The following NRG3 variants were observed in gnomAD, a reference collection of about 807,000 sequenced individuals.
The protein encoded by NRG3 is neuregulin 3.
In NRG3, 31 loss-of-function variants were observed where a neutral mutation model predicts 66.9. The observed-to-expected ratio is 0.46, with a 90% CI of 0.35 to 0.63. The LOEUF (loss-of-function observed/expected upper bound fraction) is 0.63. Ranked by LOEUF, NRG3 falls within the 20% of genes least tolerant of loss-of-function variation. The pLI is 0.00. For synonymous variants in NRG3, 393 were observed against 359.4 expected, an observed-to-expected ratio of 1.09 and a Z score of -1.06; for missense variants, 910 against 878.9, an observed-to-expected ratio of 1.04 and a Z score of -0.45.
chr10:81,892,680 G>A (rs1218450964), intron 1 of NRG3, among the ~76,000 whole-genome samples: 1 of 152,114 alleles, frequency 6.6e-6, no homozygotes, highest in Non-Finnish European at 1.5e-5. Context: ...AGGGTAGTGA[G>A]GGGTTACAGG....
At chr10:82,199,357 TCC>T (rs2074645762) in intron 1 of NRG3, among the ~76,000 whole-genome samples, 1 of 152,162 alleles carries the variant, frequency 6.6e-6, no homozygotes, top group Non-Finnish European at 1.5e-5. Flanking sequence ...GAAGCTTCTC[TCC>T]CTGCACTCTA....
intron 3 of NRG3, among the ~76,000 whole-genome samples, chr10:82,740,130 T>C (rs77345042): frequency 0.014 from 1,931 of 135,482 alleles, 31 homozygotes; most frequent in African/African-American, 0.044. Flanking sequence ...TTTAATATAA[T>C]ACTTCTTCCC....
chr10:82,903,155 T>C (rs1844397580), intron 4 of NRG3, among the ~76,000 whole-genome samples: 1 of 152,146 alleles, frequency 6.6e-6, no homozygotes, highest in Non-Finnish European at 1.5e-5. Flanking sequence ...TGTAAAGATG[T>C]AGTATTATGT....
intron 1 of NRG3, among the ~76,000 whole-genome samples, chr10:82,330,537 C>T (rs1158731090): frequency 6.6e-6 from 1 of 152,072 alleles, no homozygotes; most frequent in African/African-American, 2.4e-5. Context: ...TTTAATATTT[C>T]TATTCATATA....
At chr10:82,584,267 G>A (rs1399981427) in intron 2 of NRG3, among the ~76,000 whole-genome samples, 1 of 151,986 alleles carries the variant, frequency 6.6e-6, no homozygotes, top group Non-Finnish European at 1.5e-5. Context: ...TGTATTTTTA[G>A]TAGAGACAGG....
At chr10:82,594,941 A>G (rs1458821290) in intron 2 of NRG3, among the ~76,000 whole-genome samples, 1 of 152,072 alleles carries the variant, frequency 6.6e-6, no homozygotes, top group Non-Finnish European at 1.5e-5. Context: ...ATTGTATGAA[A>G]TGAATATCCA....
chr10:82,313,252 G>A (rs1049460794), intron 1 of NRG3, among the ~76,000 whole-genome samples: 26 of 151,946 alleles, frequency 1.7e-4, no homozygotes, highest in South Asian at 8.3e-4. Flanking sequence ...CAAGAGAATC[G>A]CTTGAACCCA....
intron 2 of NRG3, among the ~76,000 whole-genome samples, chr10:82,522,744 A>G (rs902791699): frequency 5.3e-5 from 8 of 152,230 alleles, no homozygotes; most frequent in African/African-American, 1.4e-4. Context: ...ATTCAATTTA[A>G]CATGGTTTCC....
chr10:82,666,585 A>G (rs1386478241), intron 2 of NRG3, among the ~76,000 whole-genome samples: 4 of 152,300 alleles, frequency 2.6e-5, no homozygotes, highest in African/African-American at 9.6e-5. Context: ...TTCCACCACC[A>G]TAGCCCAAGT....
chr10:82,744,884 A>C (rs1243208528), intron 3 of NRG3, among the ~76,000 whole-genome samples: 1 of 152,118 alleles, frequency 6.6e-6, no homozygotes, highest in Non-Finnish European at 1.5e-5. Flanking sequence ...GAGCTCAATA[A>C]ATATTATCTA....
At chr10:82,703,938 G>T (rs1029535707) in intron 2 of NRG3, among the ~76,000 whole-genome samples, 4 of 152,030 alleles carry the variant, frequency 2.6e-5, no homozygotes, top group African/African-American at 9.7e-5. Context: ...TATCAGATAA[G>T]CTACCTTTTA....
At chr10:82,154,114 T>A (rs2071001983) in intron 1 of NRG3, among the ~76,000 whole-genome samples, 1 of 152,100 alleles carries the variant, frequency 6.6e-6, no homozygotes. Context: ...TTGTTGCCTA[T>A]GCTTTTGGGG....
At chr10:82,513,450 A>G (rs1845379391) in intron 2 of NRG3, among the ~76,000 whole-genome samples, 1 of 152,238 alleles carries the variant, frequency 6.6e-6, no homozygotes, top group African/African-American at 2.4e-5. Context: ...AGAATAATTT[A>G]TATTCCTATG....
chr10:82,954,334 C>CCAAAGAGATGGA (rs1849824524), intron 5 of NRG3, among the ~76,000 whole-genome samples: 1 of 151,880 alleles, frequency 6.6e-6, no homozygotes, highest in Admixed American at 6.5e-5. Context: ...AGGGGACTTC[C>CCAAAGAGATGGA]ATCTTTGGGG....
intron 4 of NRG3, among the ~76,000 whole-genome samples, chr10:82,892,609 T>G (rs1463351564): frequency 6.6e-6 from 1 of 152,016 alleles, no homozygotes; most frequent in Non-Finnish European, 1.5e-5. Context: ...GAGGCTGCAG[T>G]GACCTGTGAT....
chr10:82,752,491 AG>A (rs2134957888), intron 3 of NRG3, among the ~76,000 whole-genome samples: 1 of 152,284 alleles, frequency 6.6e-6, no homozygotes, highest in South Asian at 2.1e-4. Flanking sequence ...GCAATGATCT[AG>A]CTTTTTCATC....
chr10:82,062,376 C>T (rs1019023708), intron 1 of NRG3, among the ~76,000 whole-genome samples: 24 of 152,048 alleles, frequency 1.6e-4, no homozygotes, highest in African/African-American at 5.8e-4. Flanking sequence ...GAGGCCAAGG[C>T]AGGTGGATCA....
At chr10:82,442,063 A>G (rs1456543642) in intron 2 of NRG3, among the ~76,000 whole-genome samples, 2 of 152,200 alleles carry the variant, frequency 1.3e-5, no homozygotes, top group Admixed American at 6.5e-5. Flanking sequence ...CCTTGTTGTT[A>G]GAGTGAGAAT....
At chr10:81,986,820 G>A (rs1431935951) in intron 1 of NRG3, among the ~76,000 whole-genome samples, 1 of 152,062 alleles carries the variant, frequency 6.6e-6, no homozygotes, top group African/African-American at 2.4e-5. Context: ...GACTACAGGT[G>A]CATGCCACCA....
Sources: allele counts gnomAD v4.1 joint callset (sites outside exome capture counted in the v4.1 genomes callset), GRCh38; gene constraint gnomAD v4.1.1; transcripts MANE v1.5; gene names NCBI Gene and HGNC (gene_info 2026-07-23, HGNC 2026-07-21).